The following NCALD variants were observed in gnomAD, a reference collection of about 807,000 sequenced individuals.
The protein encoded by NCALD is neurocalcin-delta.
NCALD carries 10 observed loss-of-function variants against 18.6 expected under a neutral mutation model. That is an observed-to-expected ratio of 0.54 (90% CI 0.33 to 0.91). The LOEUF (loss-of-function observed/expected upper bound fraction) is 0.91, where lower values mean the gene tolerates loss of function less well. Ranked by LOEUF, NCALD falls within the 40% of genes least tolerant of loss-of-function variation. NCALD has a pLI of 0.03. For synonymous variants in NCALD, 88 were observed against 87.4 expected (o/e 1.01, Z -0.04); for missense variants, 184 against 247.6 (o/e 0.74, Z 1.72).
intron 1 of NCALD, among the ~76,000 whole-genome samples, chr8:101,773,715 T>C (rs568768247): frequency 6.6e-5 from 10 of 152,260 alleles, no homozygotes; most frequent in Non-Finnish European, 1.3e-4. Context: ...GAGACTAGAG[T>C]TGAATATTCC....
intron 1 of NCALD, among the ~76,000 whole-genome samples, chr8:102,026,815 T>A (rs1001433823): frequency 6.6e-6 from 1 of 152,232 alleles, no homozygotes; most frequent in African/African-American, 2.4e-5. Context: ...AGCAGTAAAC[T>A]TCTGCCTGGA....
At chr8:102,103,979 C>T (rs548805766) in intron 1 of NCALD, among the ~76,000 whole-genome samples, 1 of 152,232 alleles carries the variant, frequency 6.6e-6, no homozygotes, top group South Asian at 2.1e-4. Flanking sequence ...CAAAGAGACA[C>T]GGCAATTCTG....
chr8:101,792,298 A>G (rs1174356144), upstream of NCALD, among the ~76,000 whole-genome samples: 2 of 152,372 alleles, frequency 1.3e-5, no homozygotes, highest in East Asian at 3.9e-4. Flanking sequence ...TAGTAGAATC[A>G]GAAATTGCTT....
At chr8:102,049,262 T>C (rs1215442417) in intron 1 of NCALD, among the ~76,000 whole-genome samples, 1 of 152,206 alleles carries the variant, frequency 6.6e-6, no homozygotes, top group African/African-American at 2.4e-5. Context: ...GAGGCAACTT[T>C]CCACATGCAC....
intron 2 of NCALD, among the ~76,000 whole-genome samples, chr8:101,917,172 A>G (rs1817999028): frequency 6.6e-6 from 1 of 152,124 alleles, no homozygotes. Context: ...TGCAATAAAA[A>G]TAGAAATAAA....
At chr8:101,719,123 A>G (rs575473653) in intron 2 of NCALD, 129 bp downstream of exon 2, 2 of 1,061,854 alleles carry the variant, frequency 1.9e-6, no homozygotes, top group African/African-American at 3.2e-5. Flanking sequence ...TCAAACATGC[A>G]GGGTGGGCCA....
chr8:101,810,149 CTG>C (rs1428060916), intron 4 of NCALD, among the ~76,000 whole-genome samples: 1 of 152,140 alleles, frequency 6.6e-6, no homozygotes, highest in Non-Finnish European at 1.5e-5. Context: ...AGGACTCTTG[CTG>C]TGTTATAATA....
At chr8:101,922,370 G>C (rs1023725152) in intron 2 of NCALD, among the ~76,000 whole-genome samples, 1 of 150,716 alleles carries the variant, frequency 6.6e-6, no homozygotes, top group African/African-American at 2.5e-5. Context: ...GAAGAATTCT[G>C]TCTATTTTCT....
upstream of NCALD, chr8:102,124,734 C>A (rs548629820): frequency 5.2e-5 from 8 of 152,516 alleles, no homozygotes; most frequent in African/African-American, 1.7e-4. Context: ...TTCAAGGGAG[C>A]CTTGGAAGGC....
intron 4 of NCALD, among the ~76,000 whole-genome samples, chr8:101,813,170 A>T (rs910152248): frequency 6.6e-6 from 1 of 152,078 alleles, no homozygotes; most frequent in African/African-American, 2.4e-5. Context: ...AAAGATAGCT[A>T]CTGGTGCTTG....
At chr8:101,920,562 A>C (rs1818125212) in intron 2 of NCALD, among the ~76,000 whole-genome samples, 1 of 152,234 alleles carries the variant, frequency 6.6e-6, no homozygotes, top group African/African-American at 2.4e-5. Context: ...AAAGAATGAA[A>C]TCATGTTCTT....
intron 1 of NCALD, among the ~76,000 whole-genome samples, chr8:102,095,235 G>T (rs1477249841): frequency 1.3e-5 from 2 of 152,142 alleles, no homozygotes; most frequent in African/African-American, 2.4e-5. Flanking sequence ...CACTGAGAAG[G>T]GTGCGAGAGA....
chr8:101,738,322 T>TCAC (rs1810018596), intron 1 of NCALD, among the ~76,000 whole-genome samples: 1 of 152,118 alleles, frequency 6.6e-6, no homozygotes, highest in Non-Finnish European at 1.5e-5. Flanking sequence ...GGTGGGTGGA[T>TCAC]CACCTGAGGT....
At chr8:101,898,779 G>T (rs148898825) in intron 3 of NCALD, among the ~76,000 whole-genome samples, 1 of 152,046 alleles carries the variant, frequency 6.6e-6, no homozygotes, top group Non-Finnish European at 1.5e-5. Context: ...TCTTGACTAC[G>T]ATAGCTATAC....
At chr8:101,880,385 T>A (rs886627090) in intron 4 of NCALD, among the ~76,000 whole-genome samples, 1 of 151,814 alleles carries the variant, frequency 6.6e-6, no homozygotes, top group Admixed American at 6.6e-5. Context: ...CACTGGCGCC[T>A]CTCCCTCCAC....
intron 4 of NCALD, among the ~76,000 whole-genome samples, chr8:101,802,578 T>TA (rs201465859): frequency 1.1e-3 from 155 of 144,102 alleles, no homozygotes; most frequent in Middle Eastern, 7.1e-3. Flanking sequence ...CACGAATGAT[T>TA]AAAAAAAAAA....
chr8:101,971,542 G>T (rs1820241628), intron 2 of NCALD, among the ~76,000 whole-genome samples: 1 of 151,992 alleles, frequency 6.6e-6, no homozygotes, highest in South Asian at 2.1e-4. Context: ...TGTAAGACAT[G>T]CCTTTGCTTC....
chr8:101,764,557 A>ACAGC (rs779246181), intron 1 of NCALD, among the ~76,000 whole-genome samples: 1 of 152,226 alleles, frequency 6.6e-6, no homozygotes, highest in Non-Finnish European at 1.5e-5. Flanking sequence ...GGTAATGAGT[A>ACAGC]CAGCCCCCTT....
rs77622547 is a variant in NCALD at position 102,109,201 on chromosome 8, T to C, written c.-210+15036A>G. Among the ~76,000 whole-genome samples, 17 of 152,168 alleles carry C rather than the reference T, an allele frequency of 1.1e-4. No individual in the cohort carries two copies. The East Asian group carries it at 3.3e-3, about 29-fold the overall frequency. On this transcript the variant is annotated intron_variant, in intron 1 of 6. Coordinates refer to the NCALD transcript ENST00000311028. The stretch of plus-strand genomic sequence containing the variant: ...CAAATTCTTCCCTCCCTTAGAAAAA[T>C]ACTCTCCTGATTATTTGGTTTATTA...
Sources: allele counts gnomAD v4.1 joint callset (sites outside exome capture counted in the v4.1 genomes callset), GRCh38; gene constraint gnomAD v4.1.1; transcripts MANE v1.5; gene names NCBI Gene and HGNC (gene_info 2026-07-23, HGNC 2026-07-21).